COA6: variants seen among roughly 807,000 people sequenced by gnomAD.
COA6 encodes the protein cytochrome c oxidase assembly factor 6.
Under a neutral mutation model 17.1 loss-of-function variants are expected in COA6, and 12 were observed. The ratio of observed to expected loss-of-function variants is 0.70; its 90% CI spans 0.45 to 1.14. The LOEUF (loss-of-function observed/expected upper bound fraction) is 1.14. Ranked by LOEUF, COA6 falls within the 50% of genes most tolerant of loss-of-function variation. COA6 has a pLI of 0.00. For missense variants in COA6, 246 were observed against 196.5 expected, an observed-to-expected ratio of 1.25 and a Z score of -1.51; for synonymous variants, 90 against 73.4, an observed-to-expected ratio of 1.23 and a Z score of -1.16.
At chr1:234,381,711 AG>A (rs980161685) in intron 2 of COA6, among the ~76,000 whole-genome samples, 17 of 152,152 alleles carry the variant, frequency 1.1e-4, no homozygotes, top group Non-Finnish European at 1.6e-4. Flanking sequence ...AGAAATGATG[AG>A]GGTTTGTGCT....
rs1658723195 is a variant in COA6 at position 234,374,373 on chromosome 1, G to A, written c.356G>A (p.Ser119Asn). 1 of 1,614,116 alleles carries A rather than the reference G, an allele frequency of 6.2e-7. No individual in the cohort carries two copies. ...AAGTTAAGAAGCTCTTTCGAATCAA[G>A]TTGTCCCCAACAGTGGGTAAGTCAC... ...CKKLRSSFES[S>N]CPQQWIKYFD... The change falls in exon 2 of 3, where the codon AGT (serine) becomes AAT (asparagine). Residue 119 changes from serine (S) to asparagine (N), a missense_variant. Ser to Asn is a conservative substitution (Grantham distance 46). Transcript: ENST00000366615.
chr1:234,374,774 TC>T (rs1572170376), intron 2 of COA6, among the ~76,000 whole-genome samples: 1 of 152,062 alleles, frequency 6.6e-6, no homozygotes, highest in African/African-American at 2.4e-5. Context: ...CACCCAAAAA[TC>T]CTGTAAGTCA....
At chr1:234,374,086 C>T in intron 1 of COA6, 144 bp from the exon 2 acceptor site, 6 of 1,044,958 alleles carry the variant, frequency 5.7e-6, no homozygotes, top group South Asian at 1.7e-5. Flanking sequence ...CATCAAAATC[C>T]CTAAGCATGG....
At chr1:234,379,114 A>C (rs978167781) in intron 2 of COA6, among the ~76,000 whole-genome samples, 1 of 150,494 alleles carries the variant, frequency 6.6e-6, no homozygotes, top group Non-Finnish European at 1.5e-5. Context: ...TCCTGGACTC[A>C]AGCGATCTGC....
chr1:234,374,807 A>T (rs1443909650), intron 2 of COA6, among the ~76,000 whole-genome samples: 1 of 152,134 alleles, frequency 6.6e-6, no homozygotes, highest in East Asian at 1.9e-4. Context: ...AAATATAAAG[A>T]AAGGAGTTTG....
At chr1:234,375,172 A>G (rs919486521) in intron 2 of COA6, among the ~76,000 whole-genome samples, 1 of 150,988 alleles carries the variant, frequency 6.6e-6, no homozygotes, top group Non-Finnish European at 1.5e-5. Context: ...ATGGTGGCAC[A>G]TGCCTCTAAT....
At chr1:234,381,139 A>G (rs1266426640) in intron 2 of COA6, among the ~76,000 whole-genome samples, 5 of 152,188 alleles carry the variant, frequency 3.3e-5, no homozygotes, top group Admixed American at 1.3e-4. Flanking sequence ...TCAAATTCAT[A>G]TATTGTCTTT....
At position 234,373,506 on chromosome 1, in the gene COA6, C is replaced by T. The variant is rs773444701; in HGVS notation, c.40C>T (p.Arg14Cys). ...GGGTCAAAAGAGTCCGCGGTTTCGC[C>T]GCGTGAGTTGCTTTTTGCGGCTGGG... is the stretch of plus-strand genomic sequence containing the variant. The part of the protein sequence containing the change: ...RKGQKSPRFR[R>C]VSCFLRLGRS... Residue 14 changes from arginine to cysteine, a missense_variant, in exon 1 of 3, where the codon CGC becomes TGC. By Grantham distance (180) the Arg-to-Cys change is radical. Transcript: ENST00000366615. 2.4e-5 allele frequency: 38 copies of T among 1,603,792 alleles called. No homozygotes were observed. The South Asian group carries it at 3.7e-4, about 15-fold the overall frequency.
chr1:234,375,361 T>A (rs1448520757), intron 2 of COA6, among the ~76,000 whole-genome samples: 1 of 152,206 alleles, frequency 6.6e-6, no homozygotes, highest in African/African-American at 2.4e-5. Context: ...AACTCGCTTG[T>A]TATTACTCAG....
chr1:234,382,500 C>T (rs1201701404), intron 2 of COA6, among the ~76,000 whole-genome samples: 1 of 152,220 alleles, frequency 6.6e-6, no homozygotes, highest in African/African-American at 2.4e-5. Flanking sequence ...GTCGTACACC[C>T]TCGGGAGACA....
Position 234,374,357 on chromosome 1 carries a change from A to G in COA6, c.340A>G (p.Ser114Gly), listed in dbSNP as rs201831552. ...TGCTTCTCAATGCAAGAAGTTAAGA[A>G]GCTCTTTCGAATCAAGTTGTCCCCA... ...EDASQCKKLR[S>G]SFESSCPQQW... is the part of the protein sequence containing the mutation. The change falls in exon 2 of 3, where the codon AGC becomes GGC. Residue 114 changes from serine to glycine, a missense_variant. Ser to Gly is a moderately conservative substitution (Grantham distance 56). Coordinates refer to ENST00000366615, the MANE Select transcript of COA6 (RefSeq NM_001206641.3). The G allele has an allele frequency of 6.2e-6, 10 of 1,613,928 alleles. No individual in the cohort carries two copies. Among genetic ancestry groups the G allele is most frequent in the Non-Finnish European group, 8.5e-6 (10 of 1,180,014 alleles).
rs1054885063 is a variant in COA6, at chr1:234,383,121, C to T, written c.373-602C>T. On this transcript the variant is annotated intron_variant, in intron 2 of 2. Transcript: ENST00000366615. ...TAAGAAAAATGGTCCAATGTGTTCT[C>T]ATTTGAAGCCTTCTGACCTACCTGA... 3.3e-5 allele frequency among the ~76,000 whole-genome samples: 5 copies of T among 150,990 alleles called. No individual in the cohort carries two copies. In the East Asian group the frequency reaches 7.8e-4, roughly 24 times the overall value.
At chr1:234,375,714 C>T (rs187207776) in intron 2 of COA6, among the ~76,000 whole-genome samples, 11 of 152,268 alleles carry the variant, frequency 7.2e-5, no homozygotes, top group African/African-American at 1.4e-4. Context: ...AGTGTAGTGG[C>T]GTGATCATAG....
intron 1 of COA6, 189 bp downstream of exon 1, chr1:234,373,867 G>A: frequency 6.2e-7 from 1 of 1,607,120 alleles, no homozygotes; most frequent in South Asian, 1.1e-5. Flanking sequence ...TGTAAACTAG[G>A]CACTGCTGTC....
At chr1:234,381,317 G>A (rs1658965209) in intron 2 of COA6, among the ~76,000 whole-genome samples, 1 of 152,212 alleles carries the variant, frequency 6.6e-6, no homozygotes, top group African/African-American at 2.4e-5. Flanking sequence ...CGTGTGTTGA[G>A]GGTTTAGGCT....
At chr1:234,374,112 G>GTTTTTTTT (rs61077059) in intron 1 of COA6, 118 bp from the exon 2 acceptor site, 26 of 861,832 alleles carry the variant, frequency 3.0e-5, no homozygotes, top group South Asian at 1.0e-4. Flanking sequence ...TTTTGTTTTT[G>GTTTTTTTT]TTTTTTTTTT....
rs1182675776 is a variant in COA6 at position 234,384,587 on chromosome 1, A to AAAATT, written c.*773_*777dup. ...ATACCATTTGTGAATAGCACCAAAA[A>AAAATT]AAATTAAAGGAATACTTAGGTATAA... On this transcript the variant is annotated 3_prime_UTR_variant, in exon 3 of 3. Coordinates refer to ENST00000366615, the MANE Select transcript of COA6 (RefSeq NM_001206641.3). 2.0e-5 allele frequency among the ~76,000 whole-genome samples: 3 copies of AAAATT among 152,188 alleles called. No homozygotes were observed. The highest frequency in any genetic ancestry group is 4.4e-5 in the Non-Finnish European group (3 of 68,038).
intron 2 of COA6, among the ~76,000 whole-genome samples, chr1:234,380,757 A>G (rs1647453064): frequency 6.6e-6 from 1 of 152,228 alleles, no homozygotes; most frequent in South Asian, 2.1e-4. Flanking sequence ...GGCGTGAGCC[A>G]CCACTCCCAA....
intron 2 of COA6, among the ~76,000 whole-genome samples, chr1:234,375,606 TG>T (rs2103016015): frequency 6.6e-6 from 1 of 152,290 alleles, no homozygotes; most frequent in African/African-American, 2.4e-5. Context: ...GGGGTCGTAT[TG>T]GTGGCTGAGC....
Sources: allele counts gnomAD v4.1 joint callset (sites outside exome capture counted in the v4.1 genomes callset), GRCh38; gene constraint gnomAD v4.1.1; transcripts MANE v1.5; gene names NCBI Gene and HGNC (gene_info 2026-07-23, HGNC 2026-07-21).